GLDN: variants seen among roughly 807,000 people sequenced by gnomAD.
The protein encoded by GLDN is gliomedin, also known as collomin.
GLDN carries 47 observed loss-of-function variants against 56.5 expected under a neutral mutation model. The observed-to-expected ratio is 0.83, with a 90% CI of 0.66 to 1.06. GLDN has a LOEUF of 1.06. Among genes scored for constraint, GLDN ranks in the 50% least tolerant of loss-of-function variants. The pLI, the probability that GLDN is intolerant of heterozygous loss-of-function variation, is 0.00. For synonymous variants in GLDN, 332 were observed against 278.8 expected (o/e 1.19, Z -1.90); for missense variants, 782 against 714.3 (o/e 1.09, Z -1.08).
chr15:51,358,718 C>T (rs1251502599), intron 1 of GLDN, among the ~76,000 whole-genome samples: 1 of 152,124 alleles, frequency 6.6e-6, no homozygotes, highest in African/African-American at 2.4e-5. Flanking sequence ...CCCTCAAAAG[C>T]AAAACCACCC....
At chr15:51,381,632 C>T (rs1040758899) in intron 2 of GLDN, among the ~76,000 whole-genome samples, 1 of 152,134 alleles carries the variant, frequency 6.6e-6, no homozygotes, top group African/African-American at 2.4e-5. Context: ...TCCTTTGCCT[C>T]CTACCCAATC....
chr15:51,357,107 A>T (rs1258023425), intron 1 of GLDN, among the ~76,000 whole-genome samples: 2 of 152,234 alleles, frequency 1.3e-5, no homozygotes, highest in Non-Finnish European at 2.9e-5. Context: ...TACTAAGCAT[A>T]ATTGGAAAAT....
intron 4 of GLDN, among the ~76,000 whole-genome samples, chr15:51,390,770 C>T (rs764191720): frequency 2.6e-5 from 4 of 152,050 alleles, no homozygotes; most frequent in Non-Finnish European, 4.4e-5. Context: ...TTTGAGTGGG[C>T]GACACCAGAG....
chr15:51,354,662 C>G (rs553373114), intron 1 of GLDN, among the ~76,000 whole-genome samples: 1 of 152,134 alleles, frequency 6.6e-6, no homozygotes, highest in African/African-American at 2.4e-5. Flanking sequence ...GCCAGACAGG[C>G]CTTCCTGTAC....
At chr15:51,375,586 G>T (rs1004174084) in intron 1 of GLDN, among the ~76,000 whole-genome samples, 3 of 152,184 alleles carry the variant, frequency 2.0e-5, no homozygotes, top group African/African-American at 7.2e-5. Context: ...GGTATACGGT[G>T]GGTGTGAGGC....
chr15:51,367,057 G>C (rs191082856), intron 1 of GLDN, among the ~76,000 whole-genome samples: 1 of 152,012 alleles, frequency 6.6e-6, no homozygotes, highest in Admixed American at 6.6e-5. Flanking sequence ...CTTTCCTATT[G>C]CATTTCCTAT....
rs889481282 is a variant in GLDN at position 51,383,515 on chromosome 15, C to T, written c.433+62C>T. On this transcript the variant is annotated intron_variant, in intron 3 of 9. Coordinates refer to ENST00000335449, the MANE Select transcript of GLDN (RefSeq NM_181789.4). ...TGTGGGTGGCCAGACCCTAGGATCT[C>T]CCTGTTGGGACAGATGCGGGGAGGG... The T allele has an allele frequency of 6.4e-5, 102 of 1,588,132 alleles. 1 individual carries two copies. In the Admixed American group the frequency reaches 1.7e-3, roughly 26 times the overall value.
chr15:51,403,130 T>C (rs2038291354), intron 9 of GLDN, among the ~76,000 whole-genome samples: 1 of 152,044 alleles, frequency 6.6e-6, no homozygotes. Flanking sequence ...TTGGATGCAG[T>C]GGTTAGGAGG....
Position 51,383,892 on chromosome 15 carries a change from G to C in GLDN, c.541G>C (p.Gly181Arg), listed in dbSNP as rs761800699. Residue 181 changes from glycine to arginine, a missense_variant and splice_region_variant, in exon 4 of 10, where the codon GGG (glycine) becomes CGG (arginine). Gly to Arg is a moderately radical substitution (Grantham distance 125). Coordinates refer to ENST00000335449, the MANE Select transcript of GLDN (RefSeq NM_181789.4). The stretch of plus-strand genomic sequence containing the variant: ...AGCAAATGGAAAAAGAGGAAAAATG[G>C]GTATTTTTGGCAACTCTTCTAATTA... ...KGANGKRGKM[G>R]IPGAAGNPGE... 6.3e-7 allele frequency: 1 copy of C among 1,589,830 alleles called. No individual in the cohort carries two copies. Among genetic ancestry groups the C allele is most frequent in the South Asian group, 1.1e-5 (1 of 88,302 alleles).
rs144385583 is a variant in GLDN at position 51,355,684 on chromosome 15, C to T, written c.363+13637C>T. On this transcript the variant is annotated intron_variant, in intron 1 of 9. Coordinates refer to ENST00000335449, the MANE Select transcript of GLDN (RefSeq NM_181789.4). ...GACCACAGGCACGCACCAACACACC[C>T]GGCTAATCTTTTGTATTTTTAGTAG... Among the ~76,000 whole-genome samples, 38 of 150,754 alleles carry T rather than the reference C, an allele frequency of 2.5e-4. No homozygotes were observed. The South Asian group carries it at 4.2e-3, about 17-fold the overall frequency.
At chr15:51,354,978 A>G (rs903916568) in intron 1 of GLDN, among the ~76,000 whole-genome samples, 1 of 152,252 alleles carries the variant, frequency 6.6e-6, no homozygotes, top group African/African-American at 2.4e-5. Context: ...AAGAAGGGTT[A>G]TATCCTAGAA....
downstream of GLDN, among the ~76,000 whole-genome samples, chr15:51,411,638 C>T (rs1439826685): frequency 1.3e-5 from 2 of 152,210 alleles, no homozygotes; most frequent in African/African-American, 4.8e-5. Context: ...ATGAGCATGG[C>T]TCTATTAAAA....
chr15:51,381,095 G>GCATC (rs760977571), intron 2 of GLDN, among the ~76,000 whole-genome samples: 2 of 152,202 alleles, frequency 1.3e-5, no homozygotes, highest in Admixed American at 6.5e-5. Flanking sequence ...TATCCATAGG[G>GCATC]CATCAGTGGA....
chr15:51,352,065 A>G (rs1271003522), intron 1 of GLDN, among the ~76,000 whole-genome samples: 1 of 152,144 alleles, frequency 6.6e-6, no homozygotes, highest in Non-Finnish European at 1.5e-5. Context: ...TAAATACCAT[A>G]GGCTAGGTAG....
At chr15:51,363,877 C>T (rs977873355) in intron 1 of GLDN, among the ~76,000 whole-genome samples, 1 of 152,182 alleles carries the variant, frequency 6.6e-6, no homozygotes, top group Admixed American at 6.5e-5. Flanking sequence ...GAATTCTAGA[C>T]AGAAAATGTT....
chr15:51,392,219 G>A (rs145764429), intron 4 of GLDN, among the ~76,000 whole-genome samples: 9 of 152,250 alleles, frequency 5.9e-5, no homozygotes, highest in African/African-American at 9.6e-5. Context: ...GACCCATATC[G>A]GTCCATGACC....
At chr15:51,358,409 G>A (rs1167158953) in intron 1 of GLDN, among the ~76,000 whole-genome samples, 2 of 152,116 alleles carry the variant, frequency 1.3e-5, no homozygotes, top group African/African-American at 4.8e-5. Flanking sequence ...AATACACCCC[G>A]AACCTAAGAC....
At chr15:51,343,133 T>C (rs956676316) in intron 1 of GLDN, among the ~76,000 whole-genome samples, 1 of 152,226 alleles carries the variant, frequency 6.6e-6, no homozygotes, top group East Asian at 1.9e-4. Flanking sequence ...ATCCTAGGTA[T>C]TTGAAAATAA....
At chr15:51,379,806 A>C (rs1019471920) in intron 2 of GLDN, among the ~76,000 whole-genome samples, 1 of 152,230 alleles carries the variant, frequency 6.6e-6, no homozygotes, top group Non-Finnish European at 1.5e-5. Context: ...GGCCCAGTGC[A>C]AAATGAAAAT....
Sources: gnomAD v4.1 joint callset for allele counts (sites outside exome capture counted in the v4.1 genomes callset) on GRCh38, gnomAD v4.1.1 for gene constraint, MANE v1.5 for transcripts, NCBI Gene and HGNC (gene_info 2026-07-23, HGNC 2026-07-21) for gene names.